MAP1S: variants seen among roughly 807,000 people sequenced by gnomAD.
MAP1S encodes microtubule-associated protein 1S.
Under a neutral mutation model 60.9 loss-of-function variants are expected in MAP1S, and 27 were observed. The observed-to-expected ratio is 0.44, with a 90% CI of 0.33 to 0.61. The LOEUF (loss-of-function observed/expected upper bound fraction) is 0.61, where lower values mean the gene tolerates loss of function less well. MAP1S is among the 20% of genes least tolerant of loss of function. The probability of loss-of-function intolerance (pLI) is 0.03; values close to 1 mark genes in which losing one functional copy is unlikely to be tolerated. For synonymous variants in MAP1S, 826 were observed against 694.2 expected (o/e 1.19, Z -2.98); for missense variants, 1,608 against 1,486.6 (o/e 1.08, Z -1.34).
At position 17,725,411 on chromosome 19, in the gene MAP1S, A is replaced by C. The variant is rs867250354; in HGVS notation, c.444+222A>C. On this transcript the variant is annotated intron_variant, in intron 4 of 6. Coordinates refer to ENST00000324096, the MANE Select transcript of MAP1S (RefSeq NM_018174.6). The surrounding 1 kb of genome is among the most constrained non-coding windows in gnomAD (Gnocchi z 4.2). ...AGTTTGTAGGTCAGCAGATGTCCCA[A>C]AGTCCTGATGAGGGATGGAGCCAAA... Among the ~76,000 whole-genome samples the C allele has an allele frequency of 1.3e-5, 2 of 152,164 alleles. No homozygotes were observed. Among genetic ancestry groups the C allele is most frequent in the Admixed American group, 6.5e-5 (1 of 15,272 alleles).
Position 17,724,319 on chromosome 19 carries a change from C to T in MAP1S, c.303+111C>T, listed in dbSNP as rs916010891. On this transcript the variant is annotated intron_variant, in intron 3 of 6. Coordinates refer to ENST00000324096, the MANE Select transcript of MAP1S (RefSeq NM_018174.6). ...GCTGCCCCAGATCCTCTCAAGACAC[C>T]CGGCACCACACTTCTTCGCCCACGA... 4.8e-6 allele frequency: 4 copies of T among 836,874 alleles called. No individual in the cohort carries two copies. The African/African-American group carries it at 5.1e-5, about 11-fold the overall frequency. The allele number at this position is 836,874 out of a possible 1,614,324, so 51.8% of individuals were successfully genotyped here. A position where few individuals can be genotyped will look rare whatever the true frequency, so the allele number is the denominator to read the frequency against.
chr19:17,724,921 C>G, intron 3 of MAP1S, 128 bp from the exon 4 acceptor site: 1 of 1,165,132 alleles, frequency 8.6e-7, no homozygotes, highest in Middle Eastern at 2.0e-4. Context: ...GCTAGTTGAG[C>G]ACTGGGCTGG....
chr19:17,720,858 C>G (rs934597622), intron 1 of MAP1S, 78 bp from the exon 2 acceptor site: 2 of 1,134,688 alleles, frequency 1.8e-6, no homozygotes, highest in African/African-American at 3.0e-5. Flanking sequence ...TCCCCACCCA[C>G]GGGGTGCTAA....
In MAP1S at chr19:17,727,011, C is replaced by T. The variant is rs780689038; in HGVS notation, c.1627C>T (p.Arg543Trp). The T allele has an allele frequency of 1.3e-6, 2 of 1,586,316 alleles. No homozygotes were observed. The highest frequency in any genetic ancestry group is 1.7e-6 in the Non-Finnish European group (2 of 1,167,380). The stretch of plus-strand genomic sequence containing the variant: ...CCGGACCCAGCCGCGGGAGGTGCGC[C>T]GGGCAGCCTCTTCTGTGCCCAACCT... ...VSRTQPREVRRAASSVPNLKK... is the reference protein window; with the variant it reads ...VSRTQPREVRWAASSVPNLKK... Residue 543 changes from arginine (R) to tryptophan (W), a missense_variant, in exon 5 of 7, where the codon CGG (arginine) becomes TGG (tryptophan). Coordinates refer to ENST00000324096, the MANE Select transcript of MAP1S (RefSeq NM_018174.6). The surrounding 1 kb of genome is among the most constrained non-coding windows in gnomAD (Gnocchi z 4.1).
At position 17,727,658 on chromosome 19, in the gene MAP1S, G is replaced by A. The variant is rs1166423183; in HGVS notation, c.2274G>A (p.Ala758=). ...CGGTGCCAATGGCACCGGCACCTGC[G>A]TCCCCCGGCAGCTCGAATGACAGCA... ...RKAVPMAPAP[A]SPGSSNDSSA... Residue 758 remains alanine, a synonymous_variant, in exon 5 of 7, where the codon GCG becomes GCA. Coordinates refer to ENST00000324096, the MANE Select transcript of MAP1S (RefSeq NM_018174.6). This position sits in a 1 kb window ranked among gnomAD's most constrained non-coding sequence, Gnocchi z 4.1. The A allele has an allele frequency of 5.6e-6, 9 of 1,608,856 alleles. No individual in the cohort carries two copies. The highest frequency in any genetic ancestry group is 5.0e-5 in the Admixed American group (3 of 59,980).
rs1453504600 is a variant in MAP1S at position 17,726,254 on chromosome 19, G to A, written c.870G>A (p.Val290=). The stretch of plus-strand genomic sequence containing the variant: ...TGGACCGCGTGGATGCCGTGCTGGT[G>A]ACCCACCCTGGCGCCGACAGCCTCC... ...RHLDRVDAVL[V]THPGADSLPG... The change falls in exon 5 of 7, where the codon GTG becomes GTA. Residue 290 remains valine (V), a synonymous_variant. Transcript: ENST00000324096. 1 of 1,607,410 alleles carries A rather than the reference G, an allele frequency of 6.2e-7. No individual in the cohort carries two copies. Among genetic ancestry groups the A allele is most frequent in the Non-Finnish European group, 8.5e-7 (1 of 1,177,546 alleles).
chr19:17,730,873 A>AT (rs1194981965), intron 5 of MAP1S, among the ~76,000 whole-genome samples: 1 of 138,298 alleles, frequency 7.2e-6, no homozygotes, highest in South Asian at 2.3e-4. Flanking sequence ...TGCCACATCG[A>AT]TTTTTTTTCT....
In MAP1S at chr19:17,725,301, C is replaced by G; in HGVS notation, c.444+112C>G. 1.5e-6 allele frequency: 2 copies of G among 1,293,206 alleles called. No homozygotes were observed. Among genetic ancestry groups the G allele is most frequent in the South Asian group, 1.5e-5 (1 of 68,938 alleles). 80.1% of individuals were successfully genotyped at this position (1,293,206 alleles called of 1,614,324 possible). A position where few individuals can be genotyped will look rare whatever the true frequency, so the allele number is the denominator to read the frequency against. On this transcript the variant is annotated intron_variant, in intron 4 of 6. Coordinates refer to ENST00000324096, the MANE Select transcript of MAP1S (RefSeq NM_018174.6). This position sits in a 1 kb window ranked among gnomAD's most constrained non-coding sequence, Gnocchi z 4.2. Reference sequence around the variant, plus strand: ...GTTTTCCATGGCCTGGTCTCCCCATCCTCTGTAGGATGGCAGTGGTGACAC... The same window carrying G: ...GTTTTCCATGGCCTGGTCTCCCCATGCTCTGTAGGATGGCAGTGGTGACAC...
chr19:17,730,025 C>T (rs1191481697), intron 5 of MAP1S, among the ~76,000 whole-genome samples: 1 of 152,090 alleles, frequency 6.6e-6, no homozygotes, highest in Non-Finnish European at 1.5e-5. Context: ...CCTGGCTGGT[C>T]TTGAACTCCT....
rs772321962 is a variant in MAP1S at position 17,728,274 on chromosome 19, A to G, written c.2788+102A>G. The G allele has an allele frequency of 1.3e-5, 17 of 1,266,408 alleles. No individual in the cohort carries two copies. Among genetic ancestry groups the G allele is most frequent in the East Asian group, 5.0e-5 (2 of 39,610 alleles). The allele number at this position is 1,266,408 out of a possible 1,614,324, so 78.4% of individuals were successfully genotyped here. ...TACATTTTCAGTTTTTTTAAAAGAG[A>G]TGGTCTCACTCTGTCTCTGAGCTGG... On this transcript the variant is annotated intron_variant, in intron 5 of 6. Coordinates refer to ENST00000324096, the MANE Select transcript of MAP1S (RefSeq NM_018174.6).
At chr19:17,729,431 A>C (rs971494749) in intron 5 of MAP1S, among the ~76,000 whole-genome samples, 3 of 152,092 alleles carry the variant, frequency 2.0e-5, no homozygotes, top group Admixed American at 1.3e-4. Context: ...CTAAGATCCA[A>C]ATTCCCAGAG....
In MAP1S at chr19:17,720,586, G is replaced by C; in HGVS notation, c.119-350G>C. 3.0e-6 allele frequency: 4 copies of C among 1,335,838 alleles called. No homozygotes were observed. The South Asian group carries it at 6.1e-5, about 20-fold the overall frequency. 82.7% of individuals were successfully genotyped at this position (1,335,838 alleles called of 1,614,324 possible). Reference sequence around the variant, plus strand: ...GGGGGAAGGGCCCCCTGGCCAGTAGGAACAGGTGGGGGCGGCAGGGGGATG... The same window carrying C: ...GGGGGAAGGGCCCCCTGGCCAGTAGCAACAGGTGGGGGCGGCAGGGGGATG... On this transcript the variant is annotated intron_variant, in intron 1 of 6. Coordinates refer to ENST00000324096, the MANE Select transcript of MAP1S (RefSeq NM_018174.6).
chr19:17,727,961 C>T lies in MAP1S; in HGVS notation c.2577C>T (p.Val859=). ...PPKTARQTEN[V]SRTRKPLARP... is the part of the protein sequence containing the mutation. The stretch of plus-strand genomic sequence containing the variant: ...AGACAGCACGGCAAACGGAGAACGT[C>T]AGCCGCACCCGGAAGCCCCTGGCCC... The change falls in exon 5 of 7, where the codon GTC becomes GTT. Residue 859 remains valine, a synonymous_variant. Coordinates refer to ENST00000324096, the MANE Select transcript of MAP1S (RefSeq NM_018174.6). The surrounding 1 kb of genome is among the most constrained non-coding windows in gnomAD (Gnocchi z 4.1). 1.2e-6 allele frequency: 2 copies of T among 1,607,518 alleles called. No individual in the cohort carries two copies. The highest frequency in any genetic ancestry group is 1.7e-6 in the Non-Finnish European group (2 of 1,176,612).
chr19:17,734,261 C>A lies in MAP1S; in HGVS notation c.3025-12C>A. 6.2e-7 allele frequency: 1 copy of A among 1,607,766 alleles called. No individual in the cohort carries two copies. The highest frequency in any genetic ancestry group is 2.2e-5 in the East Asian group (1 of 44,652). Reference sequence around the variant, plus strand: ...GGTCCACTCTCCCCACACACCCCCCCTCCACCTGCAGGTGACCCTGATCCC... The same window carrying A: ...GGTCCACTCTCCCCACACACCCCCCATCCACCTGCAGGTGACCCTGATCCC... On this transcript the variant is annotated splice_polypyrimidine_tract_variant and intron_variant, in intron 6 of 6. Transcript: ENST00000324096.
At chr19:17,734,208 A>C in intron 6 of MAP1S, 65 bp from the exon 7 acceptor site, 1 of 1,426,880 alleles carries the variant, frequency 7.0e-7, no homozygotes, top group Non-Finnish European at 9.7e-7. Flanking sequence ...CCCAGGCCAG[A>C]AGGGCAGGGG....
chr19:17,720,873 T>G, intron 1 of MAP1S, 63 bp from the exon 2 acceptor site: 12 of 1,286,538 alleles, frequency 9.3e-6, no homozygotes, highest in South Asian at 1.2e-5. Context: ...TGCTAATTAT[T>G]GAAATATTCT....
At chr19:17,731,120 C>T (rs1453075148) in intron 5 of MAP1S, among the ~76,000 whole-genome samples, 7 of 152,056 alleles carry the variant, frequency 4.6e-5, no homozygotes, top group African/African-American at 1.7e-4. Context: ...GTTTCAAACT[C>T]CTGACCTCAA....
At chr19:17,728,378 T>C (rs1033570807) in intron 5 of MAP1S, among the ~76,000 whole-genome samples, 1 of 152,090 alleles carries the variant, frequency 6.6e-6, no homozygotes, top group Non-Finnish European at 1.5e-5. Context: ...GCCTCTCCAG[T>C]AGCTGGGACT....
Position 17,726,366 on chromosome 19 carries a change from A to G in MAP1S, c.982A>G (p.Arg328Gly). The change falls in exon 5 of 7, where the codon AGG becomes GGG. Residue 328 changes from arginine (R) to glycine (G), a missense_variant. This residue lies in a region of MAP1S where 1,167 missense variants were observed against 961.4 expected (regional missense o/e 1.21). Coordinates refer to ENST00000324096, the MANE Select transcript of MAP1S (RefSeq NM_018174.6). Reference protein sequence around the residue: ...GGGSWDDRLRRLISPNLGVVF... With the variant: ...GGGSWDDRLRGLISPNLGVVF... ...GGGCTCCTGGGACGACAGGCTGCGC[A>G]GGCTCATCTCCCCCAACCTGGGGGT... 2 of 1,597,440 alleles carry G rather than the reference A, an allele frequency of 1.3e-6. No individual in the cohort carries two copies. The highest frequency in any genetic ancestry group is 1.7e-6 in the Non-Finnish European group (2 of 1,177,676).
Sources: gnomAD v4.1 joint callset for allele counts (sites outside exome capture counted in the v4.1 genomes callset) on GRCh38, gnomAD v4.1.1 for gene constraint, gnomAD v4.1.1 regional missense constraint, Gnocchi (gnomAD v3.1) non-coding constraint, MANE v1.5 for transcripts, NCBI Gene and HGNC (gene_info 2026-07-23, HGNC 2026-07-21) for gene names.